Variants in DGKH observed in about 807,000 individuals in gnomAD.
The protein encoded by DGKH is diacylglycerol kinase eta, also known as DAG kinase eta.
A neutral mutation model predicts 159.3 loss-of-function variants in DGKH; 90 were observed. That is an observed-to-expected ratio of 0.57 (90% CI 0.48 to 0.67). The LOEUF (loss-of-function observed/expected upper bound fraction) is 0.67. Among genes scored for constraint, DGKH ranks in the 30% least tolerant of loss-of-function variants. DGKH has a pLI of 0.00. For synonymous variants in DGKH, 536 were observed against 553.8 expected (o/e 0.97, Z 0.45); for missense variants, 1,181 against 1,506.1 (o/e 0.78, Z 3.57).
At chr13:42,229,006 C>CT (rs1958220155) in intron 29 of DGKH, 93 bp from the exon 30 acceptor site, 1 of 1,104,040 alleles carries the variant, frequency 9.1e-7, no homozygotes, top group Non-Finnish European at 1.3e-6. Context: ...TTTCAATAAA[C>CT]TTTTTTCCTT....
rs1474462416 is a variant in DGKH, at chr13:42,143,444, C to T, written c.385-11847C>T. Among the ~76,000 whole-genome samples, 10 of 152,180 alleles carry T rather than the reference C, an allele frequency of 6.6e-5. 1 individual carries two copies. Among genetic ancestry groups the T allele is most frequent in the African/African-American group, 2.4e-4 (10 of 41,524 alleles). On this transcript the variant is annotated intron_variant, in intron 3 of 29. Transcript: ENST00000337343. ...GAGTTAGGGAGGATTCCTTCTTTTT[C>T]TATTGATTGGAATGGTTTCAGAAGG...
At chr13:42,194,275 G>T (rs902511198) in intron 16 of DGKH, among the ~76,000 whole-genome samples, 5 of 152,138 alleles carry the variant, frequency 3.3e-5, no homozygotes, top group Non-Finnish European at 7.4e-5. Context: ...AAGTAGCAGG[G>T]ACTACAGGTG....
chr13:42,207,378 C>T (rs940063144), intron 21 of DGKH, among the ~76,000 whole-genome samples: 18 of 150,942 alleles, frequency 1.2e-4, no homozygotes, highest in African/African-American at 2.7e-4. Context: ...TTAGTAGAGA[C>T]GGGGGTTTCA....
downstream of DGKH, among the ~76,000 whole-genome samples, chr13:42,244,936 A>T (rs9594719): frequency 0.059 from 7,055 of 119,338 alleles, 346 homozygotes; most frequent in African/African-American, 0.07. Flanking sequence ...AAAAAAAAAG[A>T]ACAACATACA....
At position 42,252,290 on chromosome 13, in the gene DGKH, G is replaced by A. The variant is rs117931642; in HGVS notation, n.4055-119G>A. On this transcript the variant is annotated intron_variant and non_coding_transcript_variant, in intron 29 of 30. Transcript: ENST00000498255. ...CTTCTTGGGTTGGATGTTTAATACA[G>A]TGTCTTTACTAATAAAAGCATGTAG... The A allele has an allele frequency of 2.9e-4, 44 of 152,240 alleles. 2 individuals are homozygous for A. In the East Asian group the frequency reaches 4.8e-3, roughly 17 times the overall value. The allele number at this position is 152,240 out of a possible 1,614,324, so 9.4% of individuals were successfully genotyped here.
intron 3 of DGKH, among the ~76,000 whole-genome samples, chr13:42,137,343 T>C (rs141789411): frequency 1.3e-5 from 2 of 152,368 alleles, no homozygotes; most frequent in East Asian, 3.9e-4. Context: ...GTAACTGTTA[T>C]ATTTCTGTTC....
At chr13:42,132,599 C>T (rs1371458023) in intron 3 of DGKH, among the ~76,000 whole-genome samples, 2 of 152,184 alleles carry the variant, frequency 1.3e-5, no homozygotes, top group Non-Finnish European at 2.9e-5. Flanking sequence ...CTGCCTTATA[C>T]TTAGTTAAGT....
chr13:42,123,799 A>G (rs1955120699), intron 1 of DGKH, among the ~76,000 whole-genome samples: 1 of 152,228 alleles, frequency 6.6e-6, no homozygotes, highest in South Asian at 2.1e-4. Flanking sequence ...CTATGTACCT[A>G]TTAGAATGCC....
At chr13:42,144,329 G>C (rs1169079965) in intron 3 of DGKH, among the ~76,000 whole-genome samples, 1 of 152,138 alleles carries the variant, frequency 6.6e-6, no homozygotes, top group Non-Finnish European at 1.5e-5. Context: ...CCCAAGCCTG[G>C]TGAAGTCCTG....
At chr13:42,085,507 A>T (rs1487967293) in intron 1 of DGKH, among the ~76,000 whole-genome samples, 2 of 152,126 alleles carry the variant, frequency 1.3e-5, no homozygotes, top group African/African-American at 4.8e-5. Context: ...TATGAGCAAT[A>T]AGGCTGCTAT....
At chr13:42,178,059 C>A in intron 12 of DGKH, 76 bp from the exon 13 acceptor site, 2 of 1,077,136 alleles carry the variant, frequency 1.9e-6, no homozygotes, top group South Asian at 1.9e-5. Context: ...TGAAGGGTTC[C>A]ATTTCTGGAG....
In DGKH at chr13:42,219,292, A is replaced by G; in HGVS notation, c.3276A>G (p.Leu1092=). 6.2e-7 allele frequency: 1 copy of G among 1,614,006 alleles called. No individual in the cohort carries two copies. Among genetic ancestry groups the G allele is most frequent in the Middle Eastern group, 1.7e-4 (1 of 6,060 alleles). ...SNALHSVEVE[L]QKLTEIPWLY... is the part of the protein sequence containing the mutation. The stretch of plus-strand genomic sequence containing the variant: ...CCTTACACTCTGTGGAGGTGGAATT[A>G]CAGAAACTGACAGAGATTCCTTGGC... Residue 1092 remains leucine (L), a synonymous_variant, in exon 27 of 30, where the codon TTA becomes TTG. Transcript: ENST00000337343.
intron 1 of DGKH, among the ~76,000 whole-genome samples, chr13:42,123,595 A>G (rs1385862508): frequency 6.6e-6 from 1 of 152,238 alleles, no homozygotes; most frequent in African/African-American, 2.4e-5. Context: ...CACATATTAG[A>G]TAAATATCTT....
At position 42,166,502 on chromosome 13, in the gene DGKH, G is replaced by T. The variant is rs1179128605; in HGVS notation, c.959-13G>T. Reference sequence around the variant, plus strand: ...GCTGTATGTATTGATCTTGTGTTGTGTTTTTTTCACAGGTTTCTGTAGAGC... The same window carrying T: ...GCTGTATGTATTGATCTTGTGTTGTTTTTTTTTCACAGGTTTCTGTAGAGC... On this transcript the variant is annotated splice_polypyrimidine_tract_variant and intron_variant, in intron 8 of 29. Coordinates refer to ENST00000337343, the MANE Select transcript of DGKH (RefSeq NM_178009.5). 15 of 1,497,956 alleles carry T rather than the reference G, an allele frequency of 1.0e-5. No homozygotes were observed. Among genetic ancestry groups the T allele is most frequent in the East Asian group, 2.5e-5 (1 of 40,302 alleles). The allele number at this position is 1,497,956 out of a possible 1,614,324, so 92.8% of individuals were successfully genotyped here.
intron 26 of DGKH, 89 bp downstream of exon 26, chr13:42,215,756 T>C: frequency 1.7e-6 from 2 of 1,210,370 alleles, no homozygotes; most frequent in Non-Finnish European, 2.3e-6. Context: ...TGGCAGATTC[T>C]AAGGCAGAAG....
intron 3 of DGKH, chr13:42,138,243 G>A (rs1955445114): frequency 2.7e-6 from 1 of 369,336 alleles, no homozygotes; most frequent in African/African-American, 2.2e-5. Flanking sequence ...AGTGGATTTA[G>A]AGACTGCTGG....
At chr13:42,170,942 CAAA>C (rs5803114) in intron 11 of DGKH, among the ~76,000 whole-genome samples, 29,896 of 136,052 alleles carry the variant, frequency 0.22, 3,643 homozygotes, top group Admixed American at 0.29. Context: ...GACTCTGTCT[CAAA>C]AAAAAAAAAA....
chr13:42,218,502 C>CTT (rs56173082), intron 26 of DGKH, among the ~76,000 whole-genome samples: 25 of 88,292 alleles, frequency 2.8e-4, no homozygotes, highest in African/African-American at 4.3e-4. Flanking sequence ...CATGTGGTGA[C>CTT]TTTTTTTTTT....
At chr13:42,118,159 G>A (rs983252576) in intron 1 of DGKH, among the ~76,000 whole-genome samples, 2 of 152,114 alleles carry the variant, frequency 1.3e-5, no homozygotes, top group African/African-American at 4.8e-5. Context: ...GGAGCTTGCA[G>A]TGAGCCCAGG....
Sources: allele counts gnomAD v4.1 joint callset (sites outside exome capture counted in the v4.1 genomes callset), GRCh38; gene constraint gnomAD v4.1.1; transcripts MANE v1.5; gene names NCBI Gene and HGNC (gene_info 2026-07-23, HGNC 2026-07-21).